Variants in ANKMY1 observed in about 807,000 individuals in gnomAD.
ANKMY1 encodes ankyrin repeat and MYND domain containing 1.
In ANKMY1, 98 loss-of-function variants were observed where a neutral mutation model predicts 102.0. That is an observed-to-expected ratio of 0.96 (90% CI 0.82 to 1.14). The LOEUF is 1.14. Among genes scored for constraint, ANKMY1 ranks in the 50% most tolerant of loss-of-function variants. The pLI is 0.00. For missense variants in ANKMY1, 1,330 were observed against 1,347.6 expected (o/e 0.99, Z 0.20); for synonymous variants, 582 against 559.9 (o/e 1.04, Z -0.56).
intron 13 of ANKMY1, among the ~76,000 whole-genome samples, chr2:240,502,454 C>A (rs2078352631): frequency 6.6e-6 from 1 of 152,014 alleles, no homozygotes; most frequent in Admixed American, 6.5e-5. Context: ...CTCCACAGAC[C>A]CTTCCACACT....
chr2:240,550,422 G>A (rs1477695809), intron 4 of ANKMY1, among the ~76,000 whole-genome samples: 1 of 150,824 alleles, frequency 6.6e-6, no homozygotes, highest in Non-Finnish European at 1.5e-5. Context: ...TAGATGACGA[G>A]TTAGTGGGTG....
At chr2:240,552,696 G>C in intron 4 of ANKMY1, 1 of 640,834 alleles carries the variant, frequency 1.6e-6, no homozygotes, top group South Asian at 2.0e-5. Flanking sequence ...TAAAGGACAT[G>C]TAACAATTTG....
chr2:240,489,530 A>G (rs1023075460), intron 15 of ANKMY1, among the ~76,000 whole-genome samples: 24 of 151,948 alleles, frequency 1.6e-4, no homozygotes, highest in Admixed American at 5.2e-4. Context: ...ATCTATTGAG[A>G]TGGTTATATG....
Position 240,529,612 on chromosome 2 carries a change from C to G in ANKMY1, c.481-103G>C, listed in dbSNP as rs149395562. 20 of 1,145,580 alleles carry G rather than the reference C, an allele frequency of 1.7e-5. No homozygotes were observed. The African/African-American group carries it at 3.1e-4, about 18-fold the overall frequency. 71.0% of individuals were successfully genotyped at this position (1,145,580 alleles called of 1,614,324 possible). Reference sequence around the variant, plus strand: ...GAAATCCCAAAAAAGAAAACTTTCCCAAGAAATGCATGCATTCAGCCAGTA... The same window carrying G: ...GAAATCCCAAAAAAGAAAACTTTCCGAAGAAATGCATGCATTCAGCCAGTA... On this transcript the variant is annotated intron_variant, in intron 4 of 17. Transcript: ENST00000401804. The surrounding 1 kb of genome is among the most constrained non-coding windows in gnomAD (Gnocchi z 4.2).
intron 8 of ANKMY1, chr2:240,523,651 C>T: frequency 3.1e-6 from 2 of 653,666 alleles, no homozygotes; most frequent in Non-Finnish European, 2.5e-6. Context: ...AACAGCCCGT[C>T]ACCGTGGCAC....
At chr2:240,513,618 A>G (rs1037850669) in intron 9 of ANKMY1, among the ~76,000 whole-genome samples, 1 of 152,260 alleles carries the variant, frequency 6.6e-6, no homozygotes, top group Non-Finnish European at 1.5e-5. Flanking sequence ...AGCCACCAGC[A>G]TGAGGACCAG....
chr2:240,481,957 G>A (rs1483941004), intron 16 of ANKMY1, among the ~76,000 whole-genome samples: 1 of 152,186 alleles, frequency 6.6e-6, no homozygotes, highest in African/African-American at 2.4e-5. Context: ...AGCTCCATGA[G>A]TGTGCCCTAT....
intron 9 of ANKMY1, among the ~76,000 whole-genome samples, chr2:240,514,639 C>T (rs1352414323): frequency 6.6e-6 from 1 of 152,198 alleles, no homozygotes; most frequent in Non-Finnish European, 1.5e-5. Flanking sequence ...ACGAGGATGT[C>T]CAATGACACT....
At position 240,520,480 on chromosome 2, in the gene ANKMY1, G is replaced by A; in HGVS notation, c.1886C>T (p.Pro629Leu). ...IKLLLRRGAD[P>L]NLCCVPMQVL... Reference sequence around the variant, plus strand: ...CTGCATGGGCACGCAGCACAGGTTGGGGTCCGCGCCCCGGCGCAGCAGCAG... The same window carrying A: ...CTGCATGGGCACGCAGCACAGGTTGAGGTCCGCGCCCCGGCGCAGCAGCAG... Residue 629 changes from proline (P) to leucine (L), a missense_variant, in exon 9 of 18, where the codon CCC becomes CTC. By Grantham distance (98) the Pro-to-Leu change is moderately conservative. Transcript: ENST00000401804. The surrounding 1 kb of genome is among the most constrained non-coding windows in gnomAD (Gnocchi z 4.8). 6.2e-7 allele frequency: 1 copy of A among 1,613,396 alleles called. No individual in the cohort carries two copies. The highest frequency in any genetic ancestry group is 8.5e-7 in the Non-Finnish European group (1 of 1,179,754).
chr2:240,507,551 G>T lies in ANKMY1; in HGVS notation c.2526+9C>A, dbSNP rs752079082. ...CTCACCAGGGCCACCCCAGCCTCCTGCCCCTCACCAGGGCCAGCTTGCTGT... is the reference window on the plus strand; with the variant it reads ...CTCACCAGGGCCACCCCAGCCTCCTTCCCCTCACCAGGGCCAGCTTGCTGT... On this transcript the variant is annotated intron_variant, in intron 13 of 17. Coordinates refer to ENST00000401804, the MANE Select transcript of ANKMY1 (RefSeq NM_001282771.3). 6.3e-7 allele frequency: 1 copy of T among 1,597,316 alleles called. No individual in the cohort carries two copies. The highest frequency in any genetic ancestry group is 1.1e-5 in the South Asian group (1 of 87,746).
Position 240,552,941 on chromosome 2 carries a change from G to T in ANKMY1, c.453C>A (p.Thr151=). 1 of 1,613,946 alleles carries T rather than the reference G, an allele frequency of 6.2e-7. No homozygotes were observed. Among genetic ancestry groups the T allele is most frequent in the Admixed American group, 1.7e-5 (1 of 60,000 alleles). ...GGAAAAGCCGTGTCTTCATGTACATGGTGCCGTAGCCTTCTCGGTGGCTGA... is the reference window on the plus strand; with the variant it reads ...GGAAAAGCCGTGTCTTCATGTACATTGTGCCGTAGCCTTCTCGGTGGCTGA... ...FYLSHREGYG[T]MYMKTRLFQG... Residue 151 remains threonine, a synonymous_variant, in exon 4 of 18, where the codon ACC becomes ACA. Coordinates refer to ENST00000401804, the MANE Select transcript of ANKMY1 (RefSeq NM_001282771.3).
the ANKMY1 span, among the ~76,000 whole-genome samples, chr2:240,472,252 TACCAA>T: frequency 1.6e-5 from 2 of 124,398 alleles, no homozygotes; most frequent in Non-Finnish European, 3.7e-5. Flanking sequence ...GAGGCAGGCC[TACCAA>T]TCTACGGCCG....
At chr2:240,517,577 A>G (rs2081404402) in intron 9 of ANKMY1, among the ~76,000 whole-genome samples, 1 of 152,230 alleles carries the variant, frequency 6.6e-6, no homozygotes, top group African/African-American at 2.4e-5. Flanking sequence ...CGGGAGGCCA[A>G]GGCGGGAGGA....
Position 240,506,614 on chromosome 2 carries a change from C to T in ANKMY1, c.2526+946G>A, listed in dbSNP as rs144721692. ...AGTCTCGCCCTTCCCCTTCCAAATG[C>T]CTGGGTCTCGCCCCCCATTCCAGAC... is the stretch of plus-strand genomic sequence containing the variant. On this transcript the variant is annotated intron_variant, in intron 13 of 17. Coordinates refer to ENST00000401804, the MANE Select transcript of ANKMY1 (RefSeq NM_001282771.3). The surrounding 1 kb of genome is among the most constrained non-coding windows in gnomAD (Gnocchi z 4.9). Among the ~76,000 whole-genome samples the T allele has an allele frequency of 5.1e-3, 771 of 152,068 alleles. 5 individuals carry two copies. The highest frequency in any genetic ancestry group is 0.018 in the African/African-American group (734 of 41,426).
chr2:240,496,748 A>G (rs1037636043), intron 15 of ANKMY1, among the ~76,000 whole-genome samples: 2 of 152,134 alleles, frequency 1.3e-5, no homozygotes, highest in Admixed American at 6.5e-5. Context: ...TTTAGTTCTG[A>G]TAATTGCTGG....
At chr2:240,485,515 C>A (rs945576506) in intron 15 of ANKMY1, among the ~76,000 whole-genome samples, 2 of 152,004 alleles carry the variant, frequency 1.3e-5, no homozygotes, top group Non-Finnish European at 2.9e-5. Flanking sequence ...CTTAACTTAT[C>A]CAATAATTTT....
At position 240,529,011 on chromosome 2, in the gene ANKMY1, G is replaced by A. The variant is rs1226726262; in HGVS notation, c.953+26C>T. On this transcript the variant is annotated intron_variant, in intron 5 of 17. Coordinates refer to ENST00000401804, the MANE Select transcript of ANKMY1 (RefSeq NM_001282771.3). This position sits in a 1 kb window ranked among gnomAD's most constrained non-coding sequence, Gnocchi z 4.2. ...CAGCCTGCACAGTGCACGGCCCTAG[G>A]GGAGGAGCAGTAGCAGACTAGTCAC... The A allele has an allele frequency of 4.4e-6, 7 of 1,608,088 alleles. No homozygotes were observed. Among genetic ancestry groups the A allele is most frequent in the Non-Finnish European group, 6.0e-6 (7 of 1,175,144 alleles).
rs1449954448 is a variant in ANKMY1 at position 240,529,623 on chromosome 2, T to C, written c.481-114A>G. On this transcript the variant is annotated intron_variant, in intron 4 of 17. Transcript: ENST00000401804. This position sits in a 1 kb window ranked among gnomAD's most constrained non-coding sequence, Gnocchi z 4.2. ...AAAGAAAACTTTCCCAAGAAATGCA[T>C]GCATTCAGCCAGTAAACATCTCTGG... The C allele has an allele frequency of 9.6e-6, 10 of 1,044,952 alleles. No individual in the cohort carries two copies. The highest frequency in any genetic ancestry group is 2.6e-5 in the East Asian group (1 of 38,448). The allele number at this position is 1,044,952 out of a possible 1,614,324, so 64.7% of individuals were successfully genotyped here.
Position 240,512,789 on chromosome 2 carries a change from G to A in ANKMY1, c.2145+13C>T, listed in dbSNP as rs781345431. 15 of 1,610,900 alleles carry A rather than the reference G, an allele frequency of 9.3e-6. No homozygotes were observed. The highest frequency in any genetic ancestry group is 3.3e-5 in the Admixed American group (2 of 59,742). On this transcript the variant is annotated intron_variant, in intron 10 of 17. Coordinates refer to ENST00000401804, the MANE Select transcript of ANKMY1 (RefSeq NM_001282771.3). ...AAGGCCCCATACCCCTATCCAGGTC[G>A]CGAGGTACACACCTTGCCGGGCTTG...
Sources: allele counts gnomAD v4.1 joint callset (sites outside exome capture counted in the v4.1 genomes callset), GRCh38; gene constraint gnomAD v4.1.1; non-coding constraint Gnocchi (gnomAD v3.1); transcripts MANE v1.5; gene names NCBI Gene and HGNC (gene_info 2026-07-23, HGNC 2026-07-21).